SH3TC2: variants seen among roughly 807,000 people sequenced by gnomAD.
SH3TC2 encodes the protein SH3 domain and tetratricopeptide repeats 2.
A neutral mutation model predicts 124.5 loss-of-function variants in SH3TC2; 87 were observed. The observed-to-expected ratio is 0.70, with a 90% CI of 0.59 to 0.84. The LOEUF (loss-of-function observed/expected upper bound fraction) is 0.84. Ranked by LOEUF, SH3TC2 falls within the 40% of genes least tolerant of loss-of-function variation. The pLI is 0.00. For missense variants in SH3TC2, 1,536 were observed against 1,566.4 expected (o/e 0.98, Z 0.33); for synonymous variants, 634 against 628.5 (o/e 1.01, Z -0.13).
intron 2 of SH3TC2, 143 bp downstream of exon 2, chr5:149,051,996 CAGA>C: frequency 1.4e-6 from 1 of 704,332 alleles, no homozygotes; most frequent in Non-Finnish European, 2.6e-6. Flanking sequence ...TGGAGTGCAA[CAGA>C]AGATTTGTGA....
In SH3TC2 at chr5:149,000,283, C is replaced by T. The variant is rs1222721761; in HGVS notation, c.*4428G>A. On this transcript the variant is annotated 3_prime_UTR_variant, in exon 17 of 17. Coordinates refer to ENST00000515425, the MANE Select transcript of SH3TC2 (RefSeq NM_024577.4). ...TGACCCTCCTCAGAAGGAGCTCAGT[C>T]CTCTTCCCTGCTTACTCCATTTCTC... Among the ~76,000 whole-genome samples the T allele has an allele frequency of 1.3e-5, 2 of 152,172 alleles. No homozygotes were observed. Among genetic ancestry groups the T allele is most frequent in the African/African-American group, 4.8e-5 (2 of 41,444 alleles).
At chr5:149,043,416 T>C (rs1754404510) in intron 4 of SH3TC2, among the ~76,000 whole-genome samples, 1 of 152,224 alleles carries the variant, frequency 6.6e-6, no homozygotes, top group Non-Finnish European at 1.5e-5. Flanking sequence ...TATAGTATTT[T>C]AAACATGGCT....
In SH3TC2 at chr5:149,047,971, CAGA is replaced by C. The variant is rs1411287038; in HGVS notation, c.167_169del (p.Phe56del). The C allele has an allele frequency of 3.1e-6, 5 of 1,614,036 alleles. No homozygotes were observed. The highest frequency in any genetic ancestry group is 1.1e-5 in the South Asian group (1 of 91,074). On this transcript the variant is annotated inframe_deletion, in exon 3 of 17. Transcript: ENST00000515425. ...ACACCTCCTGGAGCGGCTCTTTACA[CAGA>C]AGGAGAGTGTCAGGTCTTAAAGAGA...
chr5:149,021,948 C>T (rs1288524416), intron 12 of SH3TC2, among the ~76,000 whole-genome samples: 2 of 89,702 alleles, frequency 2.2e-5, no homozygotes, highest in Non-Finnish European at 4.3e-5. Flanking sequence ...GAGTCTCGCT[C>T]TGTCGCCCAG....
intron 1 of SH3TC2, among the ~76,000 whole-genome samples, chr5:149,061,163 AAAG>A (rs1754740498): frequency 6.6e-6 from 1 of 152,230 alleles, no homozygotes; most frequent in South Asian, 2.1e-4. Flanking sequence ...TCAATGGCAA[AAAG>A]AAGGTGAAAG....
intron 12 of SH3TC2, 119 bp from the exon 13 acceptor site, chr5:149,012,853 G>T: frequency 1.5e-5 from 17 of 1,162,296 alleles, no homozygotes; most frequent in Non-Finnish European, 2.2e-5. Flanking sequence ...CACACAGGGA[G>T]GTGGGCCTGA....
At chr5:149,025,340 G>A (rs562643166) in intron 12 of SH3TC2, among the ~76,000 whole-genome samples, 1 of 152,300 alleles carries the variant, frequency 6.6e-6, no homozygotes, top group Admixed American at 6.5e-5. Context: ...AGAGAAGGGG[G>A]AGTGGAATTC....
chr5:149,006,974 G>T lies in SH3TC2; in HGVS notation c.3582C>A (p.Ser1194=), dbSNP rs1479789090. 1 of 1,614,006 alleles carries T rather than the reference G, an allele frequency of 6.2e-7. No individual in the cohort carries two copies. Among genetic ancestry groups the T allele is most frequent in the East Asian group, 2.2e-5 (1 of 44,886 alleles). The change falls in exon 16 of 17, where the codon TCC becomes TCA. Residue 1194 remains serine, a synonymous_variant. Coordinates refer to ENST00000515425, the MANE Select transcript of SH3TC2 (RefSeq NM_024577.4). The part of the protein sequence containing the change: ...MAEDCYLKTL[S]LCPPWLQSPK... ...GACTCTGCAGCCATGGTGGACAGAGGGACAGGGTCTTCAGGTAGCAGTCCT... is the reference window on the plus strand; with the variant it reads ...GACTCTGCAGCCATGGTGGACAGAGTGACAGGGTCTTCAGGTAGCAGTCCT...
At chr5:149,062,347 T>C (rs759702288) in intron 1 of SH3TC2, 1 of 533,556 alleles carries the variant, frequency 1.9e-6, no homozygotes, top group Non-Finnish European at 3.9e-6. Flanking sequence ...CTGGTTGGCC[T>C]GGAACTGACA....
rs1345055157 is a variant in SH3TC2 at position 149,003,228 on chromosome 5, G to C, written c.*1483C>G. On this transcript the variant is annotated 3_prime_UTR_variant, in exon 17 of 17. Coordinates refer to ENST00000515425, the MANE Select transcript of SH3TC2 (RefSeq NM_024577.4). Reference sequence around the variant, plus strand: ...TCCCCTCTTGTGGGAGCTAGACCTAGTGACTCATTTATTATGAATTGAATA... The same window carrying C: ...TCCCCTCTTGTGGGAGCTAGACCTACTGACTCATTTATTATGAATTGAATA... 1 of 152,226 alleles carries C rather than the reference G, an allele frequency of 6.6e-6. No individual in the cohort carries two copies. The highest frequency in any genetic ancestry group is 1.5e-5 in the Non-Finnish European group (1 of 68,056). 9.4% of individuals were successfully genotyped at this position (152,226 alleles called of 1,614,324 possible).
At chr5:149,023,889 T>G (rs1266566839) in intron 12 of SH3TC2, among the ~76,000 whole-genome samples, 1 of 152,156 alleles carries the variant, frequency 6.6e-6, no homozygotes, top group Non-Finnish European at 1.5e-5. Flanking sequence ...TACATAATTT[T>G]AGAAAAAACT....
At position 148,992,242 on chromosome 5, in the gene SH3TC2, A is replaced by T. The variant is rs886060122; in HGVS notation, c.*12469T>A. Among the ~76,000 whole-genome samples the T allele has an allele frequency of 6.6e-6, 1 of 152,250 alleles. No homozygotes were observed. The stretch of plus-strand genomic sequence containing the variant: ...AAGTGCCTTGCCCAAGGTCATGCAC[A>T]CAGTGGGGATTTTTACCCAGGTAGC... On this transcript the variant is annotated 3_prime_UTR_variant, in exon 17 of 17. Transcript: ENST00000515425.
At chr5:149,036,365 G>A (rs1754283701) in intron 8 of SH3TC2, among the ~76,000 whole-genome samples, 1 of 152,018 alleles carries the variant, frequency 6.6e-6, no homozygotes, top group Admixed American at 6.5e-5. Flanking sequence ...CAGCACAGGT[G>A]TCAGCCCCGC....
At chr5:149,018,909 C>T (rs527378199) in intron 12 of SH3TC2, among the ~76,000 whole-genome samples, 1 of 152,350 alleles carries the variant, frequency 6.6e-6, no homozygotes, top group South Asian at 2.1e-4. Context: ...AGATCACCCC[C>T]ATCCTTTGCT....
At chr5:149,018,921 A>G (rs867546541) in intron 12 of SH3TC2, among the ~76,000 whole-genome samples, 1 of 152,122 alleles carries the variant, frequency 6.6e-6, no homozygotes, top group South Asian at 2.1e-4. Flanking sequence ...TCCTTTGCTG[A>G]AAGCATTGTC....
chr5:149,050,515 C>A (rs1169925395), intron 2 of SH3TC2, among the ~76,000 whole-genome samples: 2 of 152,158 alleles, frequency 1.3e-5, no homozygotes, highest in Non-Finnish European at 2.9e-5. Flanking sequence ...TGTTCACTGG[C>A]CTTCATGCAT....
intron 9 of SH3TC2, 60 bp from the exon 10 acceptor site, chr5:149,028,778 C>T (rs1754130678): frequency 5.1e-6 from 8 of 1,573,706 alleles, no homozygotes; most frequent in South Asian, 1.1e-5. Context: ...ATGCCCATGC[C>T]TCCAGGTGTA....
rs1291748926 is a variant in SH3TC2, at chr5:148,994,769, T to C, written c.*9942A>G. ...ATGGATGAATAGATGGATGAATAGA[T>C]GGATAACCGTCTGCATCCTCTGTCC... is the stretch of plus-strand genomic sequence containing the variant. On this transcript the variant is annotated 3_prime_UTR_variant, in exon 17 of 17. Coordinates refer to ENST00000515425, the MANE Select transcript of SH3TC2 (RefSeq NM_024577.4). Among the ~76,000 whole-genome samples, 1 of 152,090 alleles carries C rather than the reference T, an allele frequency of 6.6e-6. No homozygotes were observed. The highest frequency in any genetic ancestry group is 1.5e-5 in the Non-Finnish European group (1 of 68,008).
In SH3TC2 at chr5:149,028,260, AAGG is replaced by A. The variant is rs755728218; in HGVS notation, c.1469_1471del (p.Ser490del). On this transcript the variant is annotated inframe_deletion, in exon 11 of 17. Coordinates refer to ENST00000515425, the MANE Select transcript of SH3TC2 (RefSeq NM_024577.4). ...ATAAAAGGAAGAAGTGAGGAAAGAG[AAGG>A]AGAAGTCATAGAGACTCTTAAAGTG... 12 of 1,613,858 alleles carry A rather than the reference AAGG, an allele frequency of 7.4e-6. No individual in the cohort carries two copies. The African/African-American group carries it at 1.2e-4, about 16-fold the overall frequency.
Sources: allele counts gnomAD v4.1 joint callset (sites outside exome capture counted in the v4.1 genomes callset), GRCh38; gene constraint gnomAD v4.1.1; transcripts MANE v1.5; gene names NCBI Gene and HGNC (gene_info 2026-07-23, HGNC 2026-07-21).